The following PTGS1 variants were observed in gnomAD, a reference collection of about 807,000 sequenced individuals.
PTGS1 encodes prostaglandin G/H synthase 1.
A neutral mutation model predicts 63.0 loss-of-function variants in PTGS1; 40 were observed. That is an observed-to-expected ratio of 0.63 (90% CI 0.49 to 0.83). The LOEUF is 0.83. Among genes scored for constraint, PTGS1 ranks in the 40% least tolerant of loss-of-function variants. The pLI is 0.00. For missense variants in PTGS1, 709 were observed against 786.5 expected (o/e 0.90, Z 1.18); for synonymous variants, 298 against 301.9 (o/e 0.99, Z 0.13).
intron 7 of PTGS1, among the ~76,000 whole-genome samples, chr9:122,383,132 G>A (rs1057053415): frequency 8.6e-5 from 13 of 151,572 alleles, no homozygotes; most frequent in Middle Eastern, 3.4e-3. Flanking sequence ...CAAGAGCAGA[G>A]AGAGTATTTG....
chr9:122,395,516 C>T lies in PTGS1; in HGVS notation c.*2972C>T, dbSNP rs1372938715. On this transcript the variant is annotated 3_prime_UTR_variant, in exon 11 of 11. Coordinates refer to ENST00000362012, the MANE Select transcript of PTGS1 (RefSeq NM_000962.4). ...ACTTAAATAATTTGGGTGAGCTGCA[C>T]CTGATTAGTTGAAAGGCCTCAAGAA... The T allele has an allele frequency of 6.6e-6, 1 of 152,036 alleles. No homozygotes were observed. The highest frequency in any genetic ancestry group is 1.5e-5 in the Non-Finnish European group (1 of 68,004). 9.4% of individuals were successfully genotyped at this position (152,036 alleles called of 1,614,324 possible).
chr9:122,390,437 T>C, intron 10 of PTGS1, 92 bp downstream of exon 10: 1 of 1,387,258 alleles, frequency 7.2e-7, no homozygotes, highest in Non-Finnish European at 9.9e-7. Context: ...GGACAATACA[T>C]GCGGCAATGT....
intron 5 of PTGS1, 137 bp downstream of exon 5, chr9:122,379,055 A>G: frequency 3.2e-6 from 4 of 1,253,130 alleles, no homozygotes; most frequent in Non-Finnish European, 3.3e-6. Flanking sequence ...TGACATGTCC[A>G]GAGCCTGGGC....
chr9:122,375,201 T>C (rs925786147), intron 2 of PTGS1: 2 of 677,618 alleles, frequency 3.0e-6, no homozygotes, highest in South Asian at 6.9e-5. Context: ...GGAAAGAACG[T>C]GGCGGGGGAG....
chr9:122,378,651 AG>A, intron 4 of PTGS1, 78 bp downstream of exon 4: 2 of 1,608,830 alleles, frequency 1.2e-6, no homozygotes, highest in Non-Finnish European at 1.7e-6. Flanking sequence ...GCATCTGATA[AG>A]GGTAGTGGGT....
chr9:122,390,439 C>A (rs529105392), intron 10 of PTGS1, 94 bp downstream of exon 10: 24 of 1,378,478 alleles, frequency 1.7e-5, no homozygotes, highest in Middle Eastern at 1.9e-4. Context: ...ACAATACATG[C>A]GGCAATGTGT....
intron 2 of PTGS1, chr9:122,375,460 A>T: frequency 1.0e-6 from 1 of 985,464 alleles, no homozygotes; most frequent in African/African-American, 1.7e-5. Flanking sequence ...CAATCTCCTC[A>T]CTTCATTTTA....
intron 5 of PTGS1, among the ~76,000 whole-genome samples, chr9:122,380,954 T>C (rs1402251029): frequency 6.6e-6 from 1 of 152,180 alleles, no homozygotes; most frequent in Non-Finnish European, 1.5e-5. Context: ...TTCATGTTTG[T>C]TTTTTTCTGT....
rs201178747 is a variant in PTGS1, at chr9:122,394,519, A to G, written c.*1975A>G. On this transcript the variant is annotated 3_prime_UTR_variant, in exon 11 of 11. Transcript: ENST00000362012. ...GATCCTTCGGGTGCTGGAAGTCTCCATGAAGAGCTTGTGTCCTGTCCTTTC... is the reference window on the plus strand; with the variant it reads ...GATCCTTCGGGTGCTGGAAGTCTCCGTGAAGAGCTTGTGTCCTGTCCTTTC... 1.3e-5 allele frequency: 2 copies of G among 152,196 alleles called. No homozygotes were observed. Among genetic ancestry groups the G allele is most frequent in the Non-Finnish European group, 2.9e-5 (2 of 68,060 alleles). The allele number at this position is 152,196 out of a possible 1,614,324, so 9.4% of individuals were successfully genotyped here. A position where few individuals can be genotyped will look rare whatever the true frequency, so the allele number is the denominator to read the frequency against.
intron 10 of PTGS1, among the ~76,000 whole-genome samples, chr9:122,391,008 G>C (rs1231147043): frequency 2.0e-5 from 3 of 152,050 alleles, no homozygotes; most frequent in Non-Finnish European, 4.4e-5. Flanking sequence ...AGTGATGGGA[G>C]GTTGGGGCCA....
upstream of PTGS1, chr9:122,370,764 C>T (rs1836750755): frequency 3.5e-6 from 2 of 567,312 alleles, no homozygotes; most frequent in Non-Finnish European, 6.3e-6. Flanking sequence ...GTCCCTAAGC[C>T]CTGGGTGACC....
At chr9:122,386,956 G>C (rs961613329) in intron 9 of PTGS1, among the ~76,000 whole-genome samples, 2 of 152,056 alleles carry the variant, frequency 1.3e-5, no homozygotes, top group Admixed American at 1.3e-4. Flanking sequence ...TGTGGTTCTT[G>C]GCTCATCTTT....
At chr9:122,388,176 G>A (rs1408605168) in intron 9 of PTGS1, among the ~76,000 whole-genome samples, 8 of 152,228 alleles carry the variant, frequency 5.3e-5, no homozygotes, top group East Asian at 1.9e-4. Context: ...CAGAAAGGCC[G>A]CAGAGATGTA....
intron 10 of PTGS1, 146 bp downstream of exon 10, chr9:122,390,491 G>C: frequency 9.9e-7 from 1 of 1,013,658 alleles, no homozygotes. Flanking sequence ...CTGTGCCAGG[G>C]TGGTAAATAA....
At chr9:122,389,370 T>C (rs1308408022) in intron 9 of PTGS1, among the ~76,000 whole-genome samples, 1 of 152,018 alleles carries the variant, frequency 6.6e-6, no homozygotes, top group Non-Finnish European at 1.5e-5. Flanking sequence ...AGGCTGGTCT[T>C]GAACTCCTGG....
At chr9:122,375,662 G>A (rs1422701636) in intron 2 of PTGS1, among the ~76,000 whole-genome samples, 8 of 152,160 alleles carry the variant, frequency 5.3e-5, no homozygotes, top group Non-Finnish European at 1.5e-5. Context: ...AAGGGAGAGT[G>A]GGAGGAGGGA....
intron 2 of PTGS1, among the ~76,000 whole-genome samples, chr9:122,377,143 C>T (rs2119130876): frequency 6.6e-6 from 1 of 152,206 alleles, no homozygotes; most frequent in South Asian, 2.1e-4. Flanking sequence ...CAGCTGAGAC[C>T]TTGGAGTCCC....
Position 122,390,288 on chromosome 9 carries a change from A to G in PTGS1, c.1387A>G (p.Asn463Asp). The change falls in exon 10 of 11, where the codon AAT becomes GAT. Residue 463 changes from asparagine to aspartate, a missense_variant. Transcript: ENST00000362012. Reference sequence around the variant, plus strand: ...TCGGGAGATGCGGCTGCAGCCCTTCAATGAGTACCGCAAGAGGTTTGGCAT... The same window carrying G: ...TCGGGAGATGCGGCTGCAGCCCTTCGATGAGTACCGCAAGAGGTTTGGCAT... The part of the protein sequence containing the change: ...ESREMRLQPF[N>D]EYRKRFGMKP... The G allele has an allele frequency of 6.2e-7, 1 of 1,614,134 alleles. No homozygotes were observed. Among genetic ancestry groups the G allele is most frequent in the Non-Finnish European group, 8.5e-7 (1 of 1,180,020 alleles).
intron 2 of PTGS1, chr9:122,375,585 G>A (rs1002097752): frequency 1.2e-4 from 90 of 743,788 alleles, no homozygotes; most frequent in African/African-American, 8.6e-4. Context: ...TAAGGGAAGC[G>A]GGGGTCCCTT....
Sources: gnomAD v4.1 joint callset for allele counts (sites outside exome capture counted in the v4.1 genomes callset) on GRCh38, gnomAD v4.1.1 for gene constraint, MANE v1.5 for transcripts, NCBI Gene and HGNC (gene_info 2026-07-23, HGNC 2026-07-21) for gene names.